PSEN2: variants seen among roughly 807,000 people sequenced by gnomAD.
PSEN2 encodes the protein presenilin-2.
A neutral mutation model predicts 49.1 loss-of-function variants in PSEN2; 32 were observed. The ratio of observed to expected loss-of-function variants is 0.65; its 90% CI spans 0.49 to 0.88. PSEN2 has a LOEUF of 0.88. PSEN2 is among the 40% of genes least tolerant of loss of function. The pLI is 0.00. For synonymous variants in PSEN2, 255 were observed against 244.0 expected (o/e 1.05, Z -0.42); for missense variants, 522 against 586.9 (o/e 0.89, Z 1.14).
At chr1:226,876,656 A>C (rs1660645843) in intron 3 of PSEN2, among the ~76,000 whole-genome samples, 1 of 152,220 alleles carries the variant, frequency 6.6e-6, no homozygotes, top group Non-Finnish European at 1.5e-5. Flanking sequence ...ACATTTTATA[A>C]GGACATTCAG....
At chr1:226,893,826 C>T (rs551362310) in intron 11 of PSEN2, among the ~76,000 whole-genome samples, 181 bp from the exon 12 acceptor site, 4 of 152,336 alleles carry the variant, frequency 2.6e-5, no homozygotes, top group Admixed American at 2.0e-4. Context: ...CCTGCTTTCC[C>T]ACTGGCCACT....
chr1:226,895,675 T>G lies in PSEN2; in HGVS notation c.*96T>G, dbSNP rs1483111701. On this transcript the variant is annotated 3_prime_UTR_variant, in exon 13 of 13. Transcript: ENST00000366783. ...CTAGTGCCATATATTTTTAAGACTT[T>G]TCTTTCCTTAAAAAATAAAGTACGT... is the stretch of plus-strand genomic sequence containing the variant. 3 of 1,396,952 alleles carry G rather than the reference T, an allele frequency of 2.1e-6. No homozygotes were observed. The highest frequency in any genetic ancestry group is 2.9e-6 in the Non-Finnish European group (3 of 1,016,952). The allele number at this position is 1,396,952 out of a possible 1,614,324, so 86.5% of individuals were successfully genotyped here.
At chr1:226,884,485 A>T (rs1180102860) in intron 5 of PSEN2, 3 of 152,176 alleles carry the variant, frequency 2.0e-5, no homozygotes, top group Admixed American at 6.5e-5. Context: ...AGCTTCCTCC[A>T]CTTCTTCCCC....
intron 4 of PSEN2, 141 bp downstream of exon 4, chr1:226,882,189 T>C: frequency 1.7e-6 from 2 of 1,194,748 alleles, no homozygotes; most frequent in Admixed American, 4.5e-5. Context: ...GGTGGGTGGC[T>C]GGCCATGATG....
At chr1:226,886,878 G>T (rs1661396929) in intron 6 of PSEN2, among the ~76,000 whole-genome samples, 1 of 152,202 alleles carries the variant, frequency 6.6e-6, no homozygotes, top group South Asian at 2.1e-4. Context: ...GAGGCAGGAG[G>T]ATCGCCTGAC....
intron 2 of PSEN2, among the ~76,000 whole-genome samples, chr1:226,872,568 G>T (rs1173636842): frequency 6.6e-6 from 1 of 152,174 alleles, no homozygotes; most frequent in African/African-American, 2.4e-5. Flanking sequence ...AAGTTTTGTG[G>T]AGTCCCCATG....
At chr1:226,882,218 T>C (rs1242469978) in intron 4 of PSEN2, among the ~76,000 whole-genome samples, 170 bp downstream of exon 4, 1 of 152,136 alleles carries the variant, frequency 6.6e-6, no homozygotes, top group Admixed American at 6.5e-5. Context: ...ATCTGCAGGG[T>C]TTCATAGGAC....
At chr1:226,886,610 A>G (rs1661380187) in intron 6 of PSEN2, among the ~76,000 whole-genome samples, 1 of 152,242 alleles carries the variant, frequency 6.6e-6, no homozygotes. Context: ...CTGTTTACAC[A>G]CAGGTGCCTC....
chr1:226,881,602 GA>G (rs1660994247), intron 3 of PSEN2, among the ~76,000 whole-genome samples: 1 of 152,220 alleles, frequency 6.6e-6, no homozygotes, highest in African/African-American at 2.4e-5. Context: ...TTGAATGAAT[GA>G]GCACACTGAC....
chr1:226,901,434 CAAAAAAAAA>C (rs71179182), downstream of PSEN2, among the ~76,000 whole-genome samples: 1 of 117,756 alleles, frequency 8.5e-6, no homozygotes, highest in Non-Finnish European at 1.7e-5. Flanking sequence ...GAAACTGTCT[CAAAAAAAAA>C]AAAAAAAAAA....
In PSEN2 at chr1:226,891,821, A is replaced by C; in HGVS notation, c.1049A>C (p.Glu350Ala). 6.2e-7 allele frequency: 1 copy of C among 1,614,008 alleles called. No individual in the cohort carries two copies. ...CCTCCCTTGACTGGCTACCCAGGGGAGGAGCTGGAGGAAGAGGAGGAAAGT... is the reference window on the plus strand; with the variant it reads ...CCTCCCTTGACTGGCTACCCAGGGGCGGAGCTGGAGGAAGAGGAGGAAAGT... ...FEPPLTGYPG[E>A]ELEEEEERGV... is the part of the protein sequence containing the mutation. Residue 350 changes from glutamate to alanine, a missense_variant, in exon 11 of 13, where the codon GAG becomes GCG. Coordinates refer to ENST00000366783, the MANE Select transcript of PSEN2 (RefSeq NM_000447.3).
intron 2 of PSEN2, among the ~76,000 whole-genome samples, chr1:226,874,088 A>G (rs1660474784): frequency 6.6e-6 from 1 of 152,082 alleles, no homozygotes; most frequent in Non-Finnish European, 1.5e-5. Context: ...GAGACTTGAG[A>G]GTTTTGAGGT....
intron 2 of PSEN2, among the ~76,000 whole-genome samples, chr1:226,873,601 A>C (rs766935540): frequency 1.3e-5 from 2 of 151,940 alleles, no homozygotes; most frequent in Non-Finnish European, 2.9e-5. Context: ...TTTTTATTAG[A>C]GGCGGGGTTT....
chr1:226,895,706 C>G lies in PSEN2; in HGVS notation c.*127C>G, dbSNP rs1028019225. The G allele has an allele frequency of 3.3e-6, 4 of 1,211,490 alleles. No individual in the cohort carries two copies. In the African/African-American group the frequency reaches 6.1e-5, roughly 18 times the overall value. The allele number at this position is 1,211,490 out of a possible 1,614,324, so 75.0% of individuals were successfully genotyped here. A position where few individuals can be genotyped will look rare whatever the true frequency, so the allele number is the denominator to read the frequency against. On this transcript the variant is annotated 3_prime_UTR_variant, in exon 13 of 13. Coordinates refer to ENST00000366783, the MANE Select transcript of PSEN2 (RefSeq NM_000447.3). ...CCTTAAAAAATAAAGTACGTGTTTA[C>G]TTGGTGAGGAGGAGGCAGAACCAGC... is the stretch of plus-strand genomic sequence containing the variant.
intron 12 of PSEN2, among the ~76,000 whole-genome samples, 183 bp downstream of exon 12, chr1:226,894,308 G>A (rs116728405): frequency 0.015 from 2,332 of 152,288 alleles, 64 homozygotes; most frequent in African/African-American, 0.053. Flanking sequence ...AGGTGTGCTC[G>A]CCCCTAGGTG....
At chr1:226,874,886 C>T (rs1236839377) in intron 2 of PSEN2, among the ~76,000 whole-genome samples, 1 of 152,168 alleles carries the variant, frequency 6.6e-6, no homozygotes, top group South Asian at 2.1e-4. Context: ...TGCTTTTGAC[C>T]GCTGACTTGC....
intron 12 of PSEN2, among the ~76,000 whole-genome samples, chr1:226,894,564 C>G (rs764134855): frequency 5.3e-5 from 8 of 152,250 alleles, no homozygotes; most frequent in Non-Finnish European, 1.2e-4. Context: ...ACCACAGGGT[C>G]TGAATCTGGG....
At chr1:226,900,416 G>A (rs1270945582), downstream of PSEN2, among the ~76,000 whole-genome samples, 1 of 152,194 alleles carries the variant, frequency 6.6e-6, no homozygotes, top group Non-Finnish European at 1.5e-5. Flanking sequence ...TATGTGGATT[G>A]CAAGCCGATG....
intron 8 of PSEN2, among the ~76,000 whole-genome samples, chr1:226,889,510 T>G (rs1661597641): frequency 6.6e-6 from 1 of 152,090 alleles, no homozygotes; most frequent in Admixed American, 6.5e-5. Flanking sequence ...CTCCTGACCT[T>G]GTGATCGGCC....
Sources: gnomAD v4.1 joint callset for allele counts (sites outside exome capture counted in the v4.1 genomes callset) on GRCh38, gnomAD v4.1.1 for gene constraint, MANE v1.5 for transcripts, NCBI Gene and HGNC (gene_info 2026-07-23, HGNC 2026-07-21) for gene names.